ADAMTSL1: variants seen among roughly 807,000 people sequenced by gnomAD.
ADAMTSL1 encodes ADAMTS like 1.
A neutral mutation model predicts 201.8 loss-of-function variants in ADAMTSL1; 126 were observed. That is an observed-to-expected ratio of 0.62 (90% confidence interval 0.54 to 0.72). The LOEUF (loss-of-function observed/expected upper bound fraction) is 0.72. Ranked by LOEUF, ADAMTSL1 falls within the 30% of genes least tolerant of loss-of-function variation. The pLI is 0.00. For synonymous variants in ADAMTSL1, 1,121 were observed against 903.4 expected (o/e 1.24, Z -4.32); for missense variants, 2,679 against 2,277.8 (o/e 1.18, Z -3.59).
chr9:18,582,962 G>T (rs940291079), intron 4 of ADAMTSL1, among the ~76,000 whole-genome samples: 2 of 152,156 alleles, frequency 1.3e-5, no homozygotes, highest in Non-Finnish European at 2.9e-5. Flanking sequence ...TGCCATGTGA[G>T]ACATGGCTAT....
chr9:18,192,036 G>T (rs535893614), intron 2 of ADAMTSL1, among the ~76,000 whole-genome samples: 55 of 152,150 alleles, frequency 3.6e-4, no homozygotes, highest in Middle Eastern at 3.4e-3. Flanking sequence ...GACATTGATG[G>T]TATTCTTTCC....
intron 2 of ADAMTSL1, among the ~76,000 whole-genome samples, chr9:18,509,177 C>T (rs1290341031): frequency 1.6e-5 from 1 of 60,778 alleles, no homozygotes; most frequent in Non-Finnish European, 2.8e-5. Flanking sequence ...GGCGACAGAG[C>T]GAGACTCCGT....
chr9:18,531,471 C>T (rs543738320), intron 2 of ADAMTSL1, among the ~76,000 whole-genome samples: 1 of 152,282 alleles, frequency 6.6e-6, no homozygotes, highest in African/African-American at 2.4e-5. Flanking sequence ...CTTTGTCATG[C>T]TCCTTATTTC....
chr9:18,055,120 T>C (rs1453513070), intron 1 of ADAMTSL1, among the ~76,000 whole-genome samples: 1 of 152,190 alleles, frequency 6.6e-6, no homozygotes, highest in African/African-American at 2.4e-5. Context: ...TGAGTGATTT[T>C]CCTAAAAAGC....
intron 1 of ADAMTSL1, among the ~76,000 whole-genome samples, chr9:18,487,004 C>CAT (rs1279617063): frequency 6.6e-6 from 1 of 152,102 alleles, no homozygotes; most frequent in Non-Finnish European, 1.5e-5. Context: ...GTGAAGTTCC[C>CAT]TTTGAAAACA....
chr9:18,310,738 C>A (rs924281703), intron 2 of ADAMTSL1, among the ~76,000 whole-genome samples: 7 of 152,058 alleles, frequency 4.6e-5, no homozygotes, highest in African/African-American at 9.7e-5. Flanking sequence ...GAAATAGGAA[C>A]TTTTTACACT....
At chr9:18,037,108 A>G (rs1821232371) in intron 1 of ADAMTSL1, among the ~76,000 whole-genome samples, 1 of 152,164 alleles carries the variant, frequency 6.6e-6, no homozygotes, top group South Asian at 2.1e-4. Flanking sequence ...AAGTATTTGC[A>G]TTTTAAATGA....
intron 1 of ADAMTSL1, among the ~76,000 whole-genome samples, chr9:18,162,292 T>C (rs1352748450): frequency 6.6e-6 from 1 of 152,038 alleles, no homozygotes; most frequent in South Asian, 2.1e-4. Flanking sequence ...ATCGCTGACT[T>C]CCTCTTCTCC....
At chr9:18,400,479 T>G (rs1373611652) in intron 2 of ADAMTSL1, among the ~76,000 whole-genome samples, 2 of 152,228 alleles carry the variant, frequency 1.3e-5, no homozygotes, top group Admixed American at 1.3e-4. Flanking sequence ...CATAATACGC[T>G]CTAACAGAAT....
At chr9:18,479,298 C>T (rs1373352263) in intron 1 of ADAMTSL1, among the ~76,000 whole-genome samples, 1 of 152,236 alleles carries the variant, frequency 6.6e-6, no homozygotes, top group African/African-American at 2.4e-5. Flanking sequence ...TGGCTGTAAT[C>T]TGCAGCCAAC....
intron 20 of ADAMTSL1, among the ~76,000 whole-genome samples, chr9:18,796,980 C>T (rs1213673379): frequency 6.6e-6 from 1 of 152,270 alleles, no homozygotes; most frequent in East Asian, 1.9e-4. Context: ...ACTAAATGCC[C>T]TTTGTTCACC....
chr9:18,859,833 G>A (rs1827097359), intron 23 of ADAMTSL1, among the ~76,000 whole-genome samples: 1 of 151,786 alleles, frequency 6.6e-6, no homozygotes, highest in South Asian at 2.1e-4. Context: ...TAATGGTGCT[G>A]ATTTTTTTTT....
rs111387337 is a variant in ADAMTSL1, at chr9:18,575,133, T to C, written c.474+867T>C. Among the ~76,000 whole-genome samples, 156 of 152,300 alleles carry C rather than the reference T, an allele frequency of 1.0e-3. 2 individuals are homozygous for C. Among genetic ancestry groups the C allele is most frequent in the African/African-American group, 3.6e-3 (149 of 41,582 alleles). Reference sequence around the variant, plus strand: ...ATGTATAATATCACGGCTAGGAATGTAAGAGAAATATATGTTTTAGTAATT... The same window carrying C: ...ATGTATAATATCACGGCTAGGAATGCAAGAGAAATATATGTTTTAGTAATT... On this transcript the variant is annotated intron_variant, in intron 4 of 28. Coordinates refer to ENST00000380548, the MANE Select transcript of ADAMTSL1 (RefSeq NM_001040272.6).
intron 2 of ADAMTSL1, among the ~76,000 whole-genome samples, chr9:18,391,724 A>G (rs942134946): frequency 1.7e-4 from 26 of 152,008 alleles, no homozygotes; most frequent in African/African-American, 6.3e-4. Flanking sequence ...GTTTTTAATT[A>G]GGGAATGTGA....
chr9:18,172,416 T>C (rs111646613), intron 2 of ADAMTSL1, among the ~76,000 whole-genome samples: 1,598 of 152,054 alleles, frequency 0.011, 33 homozygotes, highest in African/African-American at 0.036. Context: ...ATTTACAAAT[T>C]AAAATAACAG....
chr9:18,016,344 T>A (rs934775704), intron 1 of ADAMTSL1, among the ~76,000 whole-genome samples: 2 of 152,050 alleles, frequency 1.3e-5, no homozygotes, highest in Non-Finnish European at 2.9e-5. Flanking sequence ...AAGTGGCCCC[T>A]CTTCTTGATG....
intron 2 of ADAMTSL1, among the ~76,000 whole-genome samples, chr9:18,176,487 C>A (rs1338347221): frequency 6.6e-6 from 1 of 152,050 alleles, no homozygotes; most frequent in Non-Finnish European, 1.5e-5. Context: ...TCTTCTGTAT[C>A]ACGTGCTGCC....
At chr9:18,261,873 A>T (rs1285346462) in intron 2 of ADAMTSL1, among the ~76,000 whole-genome samples, 5 of 152,194 alleles carry the variant, frequency 3.3e-5, no homozygotes, top group Admixed American at 6.5e-5. Context: ...TTGTGGGGTG[A>T]CAAAACAGTT....
rs1370468884 is a variant in ADAMTSL1 at position 18,176,432 on chromosome 9, A to C, written c.207+12451A>C. The stretch of plus-strand genomic sequence containing the variant: ...AACAATCTTGGTAACAATAATAATA[A>C]TTATAGTTATTGACTATCATGATAG... On this transcript the variant is annotated intron_variant, in intron 2 of 29. Transcript: ENST00000680146. 2.0e-5 allele frequency among the ~76,000 whole-genome samples: 3 copies of C among 152,240 alleles called. No homozygotes were observed. In the East Asian group the frequency reaches 5.8e-4, roughly 29 times the overall value.
Sources: gnomAD v4.1 joint callset for allele counts (sites outside exome capture counted in the v4.1 genomes callset) on GRCh38, gnomAD v4.1.1 for gene constraint, MANE v1.5 for transcripts, NCBI Gene and HGNC (gene_info 2026-07-23, HGNC 2026-07-21) for gene names.